PSEN1: variants seen among roughly 807,000 people sequenced by gnomAD.
PSEN1 encodes the protein presenilin 1, also known as presenilin-1.
In PSEN1, 15 loss-of-function variants were observed where a neutral mutation model predicts 53.5. The observed-to-expected ratio is 0.28, with a 90% confidence interval of 0.19 to 0.43. The LOEUF (loss-of-function observed/expected upper bound fraction) is 0.43, where lower values mean the gene tolerates loss of function less well. Ranked by LOEUF, PSEN1 falls within the 20% of genes least tolerant of loss-of-function variation. The pLI is 1.00. For missense variants in PSEN1, 387 were observed against 571.2 expected, an observed-to-expected ratio of 0.68 and a Z score of 3.29; for synonymous variants, 208 against 209.8, an observed-to-expected ratio of 0.99 and a Z score of 0.08.
At chr14:73,156,071 A>C (rs1897345208) in intron 3 of PSEN1, among the ~76,000 whole-genome samples, 1 of 152,168 alleles carries the variant, frequency 6.6e-6, no homozygotes, top group South Asian at 2.1e-4. Flanking sequence ...TTGGTGGCTC[A>C]TACTTGTAAT....
intron 1 of PSEN1, among the ~76,000 whole-genome samples, chr14:73,140,455 C>T (rs1324610713): frequency 1.3e-5 from 2 of 151,804 alleles, no homozygotes; most frequent in African/African-American, 2.4e-5. Flanking sequence ...GTGATCCACC[C>T]GCCTCAGCCT....
At chr14:73,181,779 C>T (rs535082253) in intron 5 of PSEN1, among the ~76,000 whole-genome samples, 31 of 152,108 alleles carry the variant, frequency 2.0e-4, no homozygotes, top group African/African-American at 7.0e-4. Flanking sequence ...TATTTTGTTT[C>T]GTATTTTTTT....
chr14:73,218,060 T>C (rs529409183), intron 11 of PSEN1, among the ~76,000 whole-genome samples: 299 of 151,160 alleles, frequency 2.0e-3, no homozygotes, highest in Middle Eastern at 3.5e-3. Context: ...AGTGCTGGGA[T>C]TACAGGCGTG....
At position 73,213,184 on chromosome 14, in the gene PSEN1, C is replaced by A. The variant is rs542044921; in HGVS notation, c.1129+1242C>A. 1.2e-3 allele frequency among the ~76,000 whole-genome samples: 187 copies of A among 152,282 alleles called. 1 individual carries two copies. The highest frequency in any genetic ancestry group is 3.4e-3 in the Middle Eastern group (1 of 294). ...CGTATCTGCCTGCTCTTACAGCAGG[C>A]TTTAGCTTGCCTTTGCTGGGACTTT... On this transcript the variant is annotated intron_variant, in intron 10 of 11. Transcript: ENST00000324501.
chr14:73,189,323 TC>T (rs1183118469), intron 6 of PSEN1, among the ~76,000 whole-genome samples: 3 of 152,060 alleles, frequency 2.0e-5, no homozygotes, highest in Non-Finnish European at 2.9e-5. Context: ...TAAACAAAAG[TC>T]CCCTGTCTGG....
intron 3 of PSEN1, among the ~76,000 whole-genome samples, chr14:73,157,375 A>G (rs998830783): frequency 2.7e-5 from 4 of 150,360 alleles, no homozygotes; most frequent in Non-Finnish European, 4.4e-5. Flanking sequence ...CTGACTTCAG[A>G]TGATCCGCCT....
At chr14:73,157,432 C>A (rs1017905826) in intron 3 of PSEN1, among the ~76,000 whole-genome samples, 8 of 152,080 alleles carry the variant, frequency 5.3e-5, no homozygotes, top group Non-Finnish European at 1.0e-4. Flanking sequence ...AGTCACCACG[C>A]CCAGCCCAAG....
At chr14:73,209,075 G>T (rs1468101749) in intron 9 of PSEN1, among the ~76,000 whole-genome samples, 1 of 152,222 alleles carries the variant, frequency 6.6e-6, no homozygotes, top group Non-Finnish European at 1.5e-5. Context: ...CCACAACTTT[G>T]CTCTGAAATC....
At chr14:73,205,157 A>G (rs557409892) in intron 8 of PSEN1, among the ~76,000 whole-genome samples, 92 of 152,204 alleles carry the variant, frequency 6.0e-4, no homozygotes, top group South Asian at 2.1e-3. Context: ...CCAGAGAGAC[A>G]TAAATGTCAA....
At chr14:73,218,507 T>C (rs965609415) in intron 11 of PSEN1, among the ~76,000 whole-genome samples, 2 of 152,158 alleles carry the variant, frequency 1.3e-5, no homozygotes, top group Non-Finnish European at 2.9e-5. Flanking sequence ...AAAAATGAAC[T>C]CTATTATATG....
chr14:73,217,278 C>T (rs374805610), intron 11 of PSEN1, 34 bp downstream of exon 11: 1 of 1,612,354 alleles, frequency 6.2e-7, no homozygotes, highest in Non-Finnish European at 8.5e-7. Context: ...TGTCAGAGCT[C>T]TTAATGTCAA....
intron 10 of PSEN1, 59 bp downstream of exon 10, chr14:73,212,001 A>T (rs538827744): frequency 1.3e-6 from 2 of 1,484,628 alleles, no homozygotes; most frequent in South Asian, 2.3e-5. Flanking sequence ...TACATTATCA[A>T]CCTTTTTGAG....
chr14:73,176,164 T>C lies in PSEN1; in HGVS notation c.480+2457T>C, dbSNP rs1481124308. ...AGTAATGTATGGAGACCATTAAAGA[T>C]GACAGGTATGTGTGATGATGACAGG... On this transcript the variant is annotated intron_variant, in intron 5 of 11. Coordinates refer to ENST00000324501, the MANE Select transcript of PSEN1 (RefSeq NM_000021.4). Among the ~76,000 whole-genome samples the C allele has an allele frequency of 3.3e-5, 5 of 152,248 alleles. No individual in the cohort carries two copies. In the South Asian group the frequency reaches 1.0e-3, roughly 31 times the overall value.
At chr14:73,192,209 G>T (rs1468324425) in intron 6 of PSEN1, among the ~76,000 whole-genome samples, 1 of 152,054 alleles carries the variant, frequency 6.6e-6, no homozygotes, top group Non-Finnish European at 1.5e-5. Flanking sequence ...AGGCTGAGAC[G>T]GGTGGATTGC....
rs998743260 is a variant in PSEN1, at chr14:73,152,424, AC to A, written c.87+4322del. ...AGACCAGCCTGGCCAACATGGTGAAACCCCATTTCTACTAAGAAAAAAAAAA... is the reference window on the plus strand; with the variant it reads ...AGACCAGCCTGGCCAACATGGTGAAACCCATTTCTACTAAGAAAAAAAAAA... On this transcript the variant is annotated intron_variant, in intron 3 of 11. Coordinates refer to ENST00000324501, the MANE Select transcript of PSEN1 (RefSeq NM_000021.4). Among the ~76,000 whole-genome samples the A allele has an allele frequency of 2.0e-4, 28 of 143,508 alleles. No individual in the cohort carries two copies. The East Asian group carries it at 3.1e-3, about 16-fold the overall frequency. 94.1% of individuals were successfully genotyped at this position (143,508 alleles called of 152,430 possible).
At chr14:73,193,565 G>GA (rs1898814093) in intron 7 of PSEN1, among the ~76,000 whole-genome samples, 1 of 124,414 alleles carries the variant, frequency 8.0e-6, no homozygotes. Flanking sequence ...AAAAAAAAAA[G>GA]CAAAAAAAAA....
chr14:73,199,639 T>C (rs1434287206), intron 8 of PSEN1, among the ~76,000 whole-genome samples: 1 of 152,228 alleles, frequency 6.6e-6, no homozygotes, highest in Non-Finnish European at 1.5e-5. Flanking sequence ...AGTCAAAGGA[T>C]GTATTTAAAT....
intron 1 of PSEN1, among the ~76,000 whole-genome samples, chr14:73,144,605 G>C (rs1010846741): frequency 3.9e-5 from 6 of 152,162 alleles, no homozygotes; most frequent in African/African-American, 1.4e-4. Flanking sequence ...CTTGCCAGAT[G>C]TGACCTTAAG....
At chr14:73,166,049 AAAT>A (rs34006824) in intron 3 of PSEN1, among the ~76,000 whole-genome samples, 7 of 149,106 alleles carry the variant, frequency 4.7e-5, no homozygotes, top group African/African-American at 1.2e-4. Context: ...TCTGTCTCCA[AAAT>A]AATAATAATA....
Sources: allele counts gnomAD v4.1 joint callset (sites outside exome capture counted in the v4.1 genomes callset), GRCh38; gene constraint gnomAD v4.1.1; transcripts MANE v1.5; gene names NCBI Gene and HGNC (gene_info 2026-07-23, HGNC 2026-07-21).